CYP2E1: variants seen among roughly 807,000 people sequenced by gnomAD.
CYP2E1 encodes the protein cytochrome P450 2E1.
In CYP2E1, 31 loss-of-function variants were observed where a neutral mutation model predicts 42.9. That is an observed-to-expected ratio of 0.72 (90% CI 0.54 to 0.98). CYP2E1 has a LOEUF of 0.98. CYP2E1 is among the 50% of genes least tolerant of loss of function. CYP2E1 has a pLI of 0.00. For synonymous variants in CYP2E1, 244 were observed against 248.9 expected (o/e 0.98, Z 0.19); for missense variants, 565 against 633.2 (o/e 0.89, Z 1.16).
chr10:133,529,719 C>T (rs1343179881), intron 2 of CYP2E1, among the ~76,000 whole-genome samples: 2 of 152,254 alleles, frequency 1.3e-5, no homozygotes, highest in Non-Finnish European at 2.9e-5. Context: ...CTGCGGGGCG[C>T]GGGCTGGTGG....
At chr10:133,528,339 G>A in intron 1 of CYP2E1, 142 bp from the exon 2 acceptor site, 2 of 980,510 alleles carry the variant, frequency 2.0e-6, no homozygotes, top group East Asian at 2.6e-5. Context: ...CCCCCACCTC[G>A]GGCTGGACAA....
At chr10:133,538,693 C>T in intron 8 of CYP2E1, 87 bp from the exon 9 acceptor site, 1 of 1,232,036 alleles carries the variant, frequency 8.1e-7, no homozygotes, top group Non-Finnish European at 1.2e-6. Context: ...ACAGCCTCCT[C>T]CTCCCCGCTT....
chr10:133,532,499 G>A (rs897642069), intron 4 of CYP2E1, among the ~76,000 whole-genome samples, 193 bp from the exon 5 acceptor site: 3 of 152,096 alleles, frequency 2.0e-5, no homozygotes, highest in African/African-American at 4.8e-5. Context: ...ATCGACCTGT[G>A]TGTGCACATT....
Position 133,527,476 on chromosome 10 carries a change from C to G in CYP2E1, c.81C>G (p.His27Gln). The change falls in exon 1 of 9, where the codon CAC becomes CAG. Residue 27 changes from histidine (H) to glutamine (Q), a missense_variant. Transcript: ENST00000252945. ...LLLVSMWRQV[H>Q]SSWNLPPGPF... is the part of the protein sequence containing the mutation. ...TGGTGTCCATGTGGAGGCAGGTGCA[C>G]AGCAGCTGGAATCTGCCCCCAGGCC... The G allele has an allele frequency of 6.2e-7, 1 of 1,613,698 alleles. No individual in the cohort carries two copies. The highest frequency in any genetic ancestry group is 8.5e-7 in the Non-Finnish European group (1 of 1,180,000).
intron 2 of CYP2E1, 36 bp downstream of exon 2, chr10:133,528,676 A>G (rs1851301600): frequency 5.6e-6 from 9 of 1,609,932 alleles, no homozygotes; most frequent in South Asian, 3.3e-5. Flanking sequence ...CGGGGGGTGC[A>G]TAACACGCCC....
chr10:133,533,730 C>G (rs1293402648), intron 5 of CYP2E1, 26 bp from the exon 6 acceptor site: 3 of 1,612,204 alleles, frequency 1.9e-6, no homozygotes, highest in Admixed American at 3.3e-5. Context: ...AGCCCCTTCT[C>G]CTCCGGTCTG....
intron 7 of CYP2E1, 107 bp from the exon 8 acceptor site, chr10:133,537,644 A>C: frequency 1.0e-6 from 1 of 964,524 alleles, no homozygotes; most frequent in Non-Finnish European, 1.6e-6. Context: ...GAAATATACT[A>C]TCCTATATAG....
intron 5 of CYP2E1, among the ~76,000 whole-genome samples, chr10:133,533,547 G>C (rs951186061): frequency 1.3e-5 from 2 of 152,166 alleles, no homozygotes; most frequent in Non-Finnish European, 2.9e-5. Context: ...ACAGAGCCCT[G>C]GCCTGCCCTC....
At chr10:133,529,561 G>C (rs1182837389) in intron 2 of CYP2E1, among the ~76,000 whole-genome samples, 1 of 152,260 alleles carries the variant, frequency 6.6e-6, no homozygotes, top group South Asian at 2.1e-4. Context: ...CGGTGAGCTC[G>C]TGCTCTTGCC....
intron 3 of CYP2E1, 26 bp from the exon 4 acceptor site, chr10:133,532,098 G>C (rs1851344831): frequency 6.2e-7 from 1 of 1,606,618 alleles, no homozygotes; most frequent in Non-Finnish European, 8.5e-7. Context: ...CCCATCTTCT[G>C]GTTGCCCTGA....
At chr10:133,531,243 C>A in intron 2 of CYP2E1, among the ~76,000 whole-genome samples, 1 of 152,130 alleles carries the variant, frequency 6.6e-6, no homozygotes, top group African/African-American at 2.4e-5. Flanking sequence ...CTTGGAGTGG[C>A]CATATGTGGT....
intron 6 of CYP2E1, among the ~76,000 whole-genome samples, chr10:133,534,193 A>G (rs1484480357): frequency 1.3e-5 from 2 of 152,058 alleles, no homozygotes; most frequent in Non-Finnish European, 2.9e-5. Flanking sequence ...TCCATAAATA[A>G]CCTCTTTATG....
At chr10:133,528,316 GA>G in intron 1 of CYP2E1, 164 bp from the exon 2 acceptor site, 1 of 757,630 alleles carries the variant, frequency 1.3e-6, no homozygotes, top group Non-Finnish European at 2.1e-6. Context: ...GCAGCCTCTT[GA>G]GGGGAGGGTC....
intron 8 of CYP2E1, among the ~76,000 whole-genome samples, chr10:133,538,407 T>C (rs1207840897): frequency 6.6e-6 from 1 of 152,094 alleles, no homozygotes; most frequent in Admixed American, 6.5e-5. Flanking sequence ...ACTCCATACT[T>C]TTCACACCCA....
chr10:133,538,932 C>T lies in CYP2E1; in HGVS notation c.1450C>T (p.Arg484Cys), dbSNP rs1451003704. The change falls in exon 9 of 9, where the codon CGT becomes TGT. Residue 484 changes from arginine (R) to cysteine (C), a missense_variant. Coordinates refer to ENST00000252945, the MANE Select transcript of CYP2E1 (RefSeq NM_000773.4). ...TATTGGGTTTGGCTGTATCCCACCA[C>T]GTTACAAACTCTGTGTCATTCCCCG... ...IHIGFGCIPP[R>C]YKLCVIPRS The T allele has an allele frequency of 3.7e-6, 6 of 1,613,700 alleles. No homozygotes were observed. In the Admixed American group the frequency reaches 6.7e-5, roughly 18 times the overall value.
At chr10:133,528,422 A>G in intron 1 of CYP2E1, 59 bp from the exon 2 acceptor site, 1 of 1,593,672 alleles carries the variant, frequency 6.3e-7, no homozygotes, top group Admixed American at 1.7e-5. Context: ...GGTGTGGCTT[A>G]GAGCCCCGCA....
At position 133,539,051 on chromosome 10, in the gene CYP2E1, T is replaced by G; in HGVS notation, c.*87T>G. ...GGATTTCTCAAACTGATTCCTTTCT[T>G]TGCATATGAGTATTTGAAAATAAAT... is the stretch of plus-strand genomic sequence containing the variant. On this transcript the variant is annotated 3_prime_UTR_variant, in exon 9 of 9. Transcript: ENST00000252945. 1 of 1,006,286 alleles carries G rather than the reference T, an allele frequency of 9.9e-7. No individual in the cohort carries two copies. Among genetic ancestry groups the G allele is most frequent in the Non-Finnish European group, 1.4e-6 (1 of 697,262 alleles). 62.3% of individuals were successfully genotyped at this position (1,006,286 alleles called of 1,614,324 possible).
At chr10:133,536,914 G>A in intron 6 of CYP2E1, 149 bp from the exon 7 acceptor site, 2 of 628,590 alleles carry the variant, frequency 3.2e-6, no homozygotes. Context: ...ATGGATGGAT[G>A]GATGGAGGGG....
chr10:133,537,275 C>T, intron 7 of CYP2E1, 25 bp downstream of exon 7: 1 of 1,607,270 alleles, frequency 6.2e-7, no homozygotes, highest in Non-Finnish European at 8.5e-7. Context: ...CTGCAGCACA[C>T]AGCATGAACA....
Sources: gnomAD v4.1 joint callset for allele counts (sites outside exome capture counted in the v4.1 genomes callset) on GRCh38, gnomAD v4.1.1 for gene constraint, MANE v1.5 for transcripts, NCBI Gene and HGNC (gene_info 2026-07-23, HGNC 2026-07-21) for gene names.